RIMS2: variants seen among roughly 807,000 people sequenced by gnomAD.
RIMS2 encodes the protein regulating synaptic membrane exocytosis protein 2.
Under a neutral mutation model 174.4 loss-of-function variants are expected in RIMS2, and 59 were observed. The observed-to-expected ratio is 0.34, with a 90% CI of 0.27 to 0.42. The LOEUF (loss-of-function observed/expected upper bound fraction) is 0.42, where lower values mean the gene tolerates loss of function less well. Ranked by LOEUF, RIMS2 falls within the 10% of genes least tolerant of loss-of-function variation. The pLI, the probability that RIMS2 is intolerant of heterozygous loss-of-function variation, is 1.00. For synonymous variants in RIMS2, 606 were observed against 572.5 expected (o/e 1.06, Z -0.84); for missense variants, 1,620 against 1,666.3 (o/e 0.97, Z 0.48).
At chr8:104,232,833 A>G (rs1185752196) in intron 19 of RIMS2, among the ~76,000 whole-genome samples, 1 of 152,036 alleles carries the variant, frequency 6.6e-6, no homozygotes, top group Non-Finnish European at 1.5e-5. Context: ...CTAGAAAAGT[A>G]GCACCTTCCT....
intron 16 of RIMS2, among the ~76,000 whole-genome samples, chr8:103,987,522 G>A (rs146600173): frequency 8.5e-4 from 129 of 152,204 alleles, no homozygotes; most frequent in African/African-American, 2.9e-3. Flanking sequence ...AATAAAGCAA[G>A]CATTATACTT....
At chr8:104,175,674 C>A (rs1421892813) in intron 19 of RIMS2, among the ~76,000 whole-genome samples, 1 of 152,050 alleles carries the variant, frequency 6.6e-6, no homozygotes, top group Non-Finnish European at 1.5e-5. Flanking sequence ...GAAACTTACT[C>A]ATAAAGGTGG....
intron 19 of RIMS2, among the ~76,000 whole-genome samples, chr8:104,173,123 C>T (rs758425995): frequency 1.3e-5 from 2 of 152,206 alleles, no homozygotes; most frequent in East Asian, 3.8e-4. Context: ...GTGCATTTAA[C>T]AATGCCTCCT....
intron 3 of RIMS2, among the ~76,000 whole-genome samples, chr8:103,781,975 T>C (rs1399302499): frequency 6.6e-6 from 1 of 151,976 alleles, no homozygotes; most frequent in East Asian, 1.9e-4. Context: ...ATTGAACTCC[T>C]GACCTCCGGT....
intron 19 of RIMS2, among the ~76,000 whole-genome samples, chr8:104,073,724 C>T (rs1028666509): frequency 1.3e-5 from 2 of 152,098 alleles, no homozygotes; most frequent in East Asian, 3.9e-4. Flanking sequence ...AAGTTTGTCT[C>T]CATTTATTGT....
At chr8:103,816,608 G>C (rs1440032355) in intron 3 of RIMS2, among the ~76,000 whole-genome samples, 2 of 152,174 alleles carry the variant, frequency 1.3e-5, no homozygotes, top group African/African-American at 4.8e-5. Flanking sequence ...TTCTAAAGGA[G>C]GGACATTTGA....
At chr8:103,620,175 CAAT>C (rs1190264695) in intron 1 of RIMS2, among the ~76,000 whole-genome samples, 2 of 152,032 alleles carry the variant, frequency 1.3e-5, no homozygotes, top group African/African-American at 4.8e-5. Flanking sequence ...TAAAAGTAGT[CAAT>C]AAATGTTACA....
intron 1 of RIMS2, among the ~76,000 whole-genome samples, chr8:103,689,809 T>C (rs1409916508): frequency 6.6e-6 from 1 of 152,236 alleles, no homozygotes; most frequent in Non-Finnish European, 1.5e-5. Flanking sequence ...TACTGATATC[T>C]TGAATAGAAA....
At position 103,963,277 on chromosome 8, in the gene RIMS2, A is replaced by G. The variant is rs2090758060; in HGVS notation, c.2770+2144A>G. ...AAAATGCGCACCCCTACCTCTCTTA[A>G]TAATATTTAAACACATAGTATGAGT... is the stretch of plus-strand genomic sequence containing the variant. On this transcript the variant is annotated intron_variant, in intron 15 of 23. Coordinates refer to ENST00000504942, the Ensembl canonical transcript of RIMS2. Among the ~76,000 whole-genome samples, 5 of 152,128 alleles carry G rather than the reference A, an allele frequency of 3.3e-5. No homozygotes were observed. In the South Asian group the frequency reaches 1.0e-3, roughly 32 times the overall value.
intron 19 of RIMS2, among the ~76,000 whole-genome samples, chr8:104,244,171 G>T (rs1397841879): frequency 6.6e-6 from 1 of 152,010 alleles, no homozygotes; most frequent in Non-Finnish European, 1.5e-5. Context: ...TTTCCTGTTT[G>T]GTCTTCTAAT....
exon 24 of RIMS2, chr8:104,251,690 A>G (rs778116854): frequency 2.5e-6 from 4 of 1,608,770 alleles, no homozygotes; most frequent in East Asian, 4.5e-5. Flanking sequence ...GAGCTATCCA[A>G]TATGGTGATC....
At chr8:104,158,370 G>A (rs1396405533) in intron 19 of RIMS2, among the ~76,000 whole-genome samples, 1 of 152,132 alleles carries the variant, frequency 6.6e-6, no homozygotes, top group East Asian at 1.9e-4. Context: ...GTGTGCGTGT[G>A]TCTTTATAGT....
chr8:103,541,462 C>G (rs1842540182), intron 1 of RIMS2, among the ~76,000 whole-genome samples: 1 of 152,098 alleles, frequency 6.6e-6, no homozygotes, highest in Non-Finnish European at 1.5e-5. Flanking sequence ...ACCACCAGAC[C>G]TGTCTTACAA....
rs191043777 is a variant in RIMS2 at position 103,851,717 on chromosome 8, A to G, written c.699-33581A>G. ...CAGGCAACTCAAAAGTTTAAGATTC[A>G]AAGAATGACACTTTTGGACTGAAAT... On this transcript the variant is annotated intron_variant, in intron 3 of 23. Coordinates refer to ENST00000504942, the Ensembl canonical transcript of RIMS2. Among the ~76,000 whole-genome samples the G allele has an allele frequency of 2.2e-3, 332 of 151,898 alleles. 1 individual carries two copies. Among genetic ancestry groups the G allele is most frequent in the African/African-American group, 7.8e-3 (323 of 41,456 alleles).
chr8:104,143,834 T>C (rs893087450), intron 19 of RIMS2, among the ~76,000 whole-genome samples: 2 of 152,192 alleles, frequency 1.3e-5, no homozygotes, highest in Admixed American at 6.5e-5. Flanking sequence ...CATTCCTTGG[T>C]AAATTATTTC....
chr8:104,077,652 A>T (rs921169611), intron 19 of RIMS2, among the ~76,000 whole-genome samples: 1 of 142,282 alleles, frequency 7.0e-6, no homozygotes, highest in African/African-American at 2.5e-5. Context: ...GTGTTTACAC[A>T]TACACTTACT....
intron 1 of RIMS2, among the ~76,000 whole-genome samples, chr8:103,599,444 A>T (rs190453893): frequency 0.12 from 17,084 of 147,202 alleles, 1,202 homozygotes; most frequent in Non-Finnish European, 0.16. Flanking sequence ...GTATATATAT[A>T]TTTTTTTTCT....
At chr8:103,885,610 G>A (rs1245714400) in exon 4 of RIMS2, 8 of 1,612,906 alleles carry the variant, frequency 5.0e-6, no homozygotes, top group East Asian at 4.5e-5. Flanking sequence ...GAAGTGATCC[G>A]AATTTGGCCC....
intron 1 of RIMS2, among the ~76,000 whole-genome samples, chr8:103,600,380 A>C (rs2094675912): frequency 6.6e-6 from 1 of 152,000 alleles, no homozygotes; most frequent in Non-Finnish European, 1.5e-5. Context: ...AGCAATTATC[A>C]TGCCTCAGCA....
Sources: gnomAD v4.1 joint callset for allele counts (sites outside exome capture counted in the v4.1 genomes callset) on GRCh38, gnomAD v4.1.1 for gene constraint, MANE v1.5 for transcripts, NCBI Gene and HGNC (gene_info 2026-07-23, HGNC 2026-07-21) for gene names.